The following ARPC3 variants were observed in gnomAD, a reference collection of about 807,000 sequenced individuals.
ARPC3 encodes actin-related protein 2/3 complex subunit 3.
A neutral mutation model predicts 27.6 loss-of-function variants in ARPC3; 12 were observed. The observed-to-expected ratio is 0.43, with a 90% CI of 0.28 to 0.70. ARPC3 has a LOEUF of 0.70. Among genes scored for constraint, ARPC3 ranks in the 30% least tolerant of loss-of-function variants. The pLI is 0.17. For synonymous variants in ARPC3, 53 were observed against 67.2 expected, an observed-to-expected ratio of 0.79 and a Z score of 1.03; for missense variants, 153 against 207.7, an observed-to-expected ratio of 0.74 and a Z score of 1.62.
intron 2 of ARPC3, among the ~76,000 whole-genome samples, chr12:110,441,677 T>G (rs2062438453): frequency 6.6e-6 from 1 of 151,854 alleles, no homozygotes; most frequent in Non-Finnish European, 1.5e-5. Context: ...ACTACAGGCA[T>G]GCACCATGAG....
chr12:110,438,715 C>T (rs1265577972), intron 3 of ARPC3, among the ~76,000 whole-genome samples: 5 of 150,008 alleles, frequency 3.3e-5, no homozygotes, highest in African/African-American at 1.2e-4. Flanking sequence ...GTGATATTGG[C>T]TCACCGCAAC....
At chr12:110,436,907 CA>C in intron 4 of ARPC3, 176 bp downstream of exon 4, 1 of 677,494 alleles carries the variant, frequency 1.5e-6, no homozygotes, top group Non-Finnish European at 2.6e-6. Context: ...TTGTGTCAGT[CA>C]ATTATACTAC....
chr12:110,447,531 T>C (rs73206896), intron 1 of ARPC3, among the ~76,000 whole-genome samples: 21,391 of 152,026 alleles, frequency 0.14, 2,231 homozygotes, highest in African/African-American at 0.29. Context: ...TCCAAACACT[T>C]TGGGAGGCTG....
chr12:110,444,211 T>A (rs532099102), intron 2 of ARPC3, among the ~76,000 whole-genome samples: 1 of 152,208 alleles, frequency 6.6e-6, no homozygotes, highest in South Asian at 2.1e-4. Context: ...ACTCAGGTGA[T>A]CCACCCACCT....
At chr12:110,442,920 G>T (rs2062446296) in intron 2 of ARPC3, 1 of 152,082 alleles carries the variant, frequency 6.6e-6, no homozygotes, top group African/African-American at 2.4e-5. Flanking sequence ...CCAGGGTCTT[G>T]ATATCTGGCA....
rs781068880 is a variant in ARPC3 at position 110,436,641 on chromosome 12, C to T, written c.295G>A (p.Gly99Arg). ...SQGEKEMYTL[G>R]ITNFPIPGEP... ...CCAGGAATGGGAAAATTAGTGATTC[C>T]CAGCGTATACATTTCTTTCTCACCT... The change falls in exon 5 of 7, where the codon GGA becomes AGA. Residue 99 changes from glycine (G) to arginine (R), a missense_variant. Gly to Arg is a moderately radical substitution (Grantham distance 125). Transcript: ENST00000228825. 1 of 1,607,800 alleles carries T rather than the reference C, an allele frequency of 6.2e-7. No homozygotes were observed. Among genetic ancestry groups the T allele is most frequent in the South Asian group, 1.1e-5 (1 of 90,924 alleles).
At position 110,434,851 on chromosome 12, in the gene ARPC3, A is replaced by C; in HGVS notation, c.*304T>G. On this transcript the variant is annotated 3_prime_UTR_variant, in exon 7 of 7. Transcript: ENST00000228825. The stretch of plus-strand genomic sequence containing the variant: ...ATTATGGAATGTGAATTTTATCTCA[A>C]AACAAATTGTAAGTGAATGTCAAAG... 1 of 536,672 alleles carries C rather than the reference A, an allele frequency of 1.9e-6. No individual in the cohort carries two copies. The highest frequency in any genetic ancestry group is 3.4e-6 in the Non-Finnish European group (1 of 291,468). The allele number at this position is 536,672 out of a possible 1,614,324, so 33.2% of individuals were successfully genotyped here. A position where few individuals can be genotyped will look rare whatever the true frequency, so the allele number is the denominator to read the frequency against.
At chr12:110,449,611 CT>C (rs964846113) in intron 1 of ARPC3, among the ~76,000 whole-genome samples, 1 of 152,106 alleles carries the variant, frequency 6.6e-6, no homozygotes, top group African/African-American at 2.4e-5. Flanking sequence ...ACTGAACCAC[CT>C]TTTCCCGAAT....
At chr12:110,438,081 A>G (rs912195521) in intron 3 of ARPC3, among the ~76,000 whole-genome samples, 1 of 151,538 alleles carries the variant, frequency 6.6e-6, no homozygotes, top group Admixed American at 6.6e-5. Context: ...GGATTGCTTG[A>G]GCCCAGGAGT....
intron 1 of ARPC3, among the ~76,000 whole-genome samples, chr12:110,447,038 T>A (rs2062468491): frequency 6.6e-6 from 1 of 152,232 alleles, no homozygotes; most frequent in Non-Finnish European, 1.5e-5. Flanking sequence ...CATTGGTATC[T>A]GGCCAAAGTA....
chr12:110,446,332 T>C (rs2062464546), intron 1 of ARPC3, among the ~76,000 whole-genome samples: 1 of 148,872 alleles, frequency 6.7e-6, no homozygotes, highest in East Asian at 2.0e-4. Flanking sequence ...AGTTTGGCTC[T>C]TGTTGCCCAG....
intron 2 of ARPC3, among the ~76,000 whole-genome samples, chr12:110,443,393 T>A (rs1407393781): frequency 6.6e-6 from 1 of 152,098 alleles, no homozygotes; most frequent in African/African-American, 2.4e-5. Context: ...GCTAAAGTAC[T>A]GGGATTACAG....
At chr12:110,442,206 C>T (rs1413021230) in intron 2 of ARPC3, among the ~76,000 whole-genome samples, 2 of 151,986 alleles carry the variant, frequency 1.3e-5, no homozygotes, top group Admixed American at 1.3e-4. Flanking sequence ...TTCCCATTTC[C>T]CCAAAAATAA....
intron 2 of ARPC3, among the ~76,000 whole-genome samples, chr12:110,444,576 C>T (rs2062454521): frequency 6.6e-6 from 1 of 152,178 alleles, no homozygotes; most frequent in African/African-American, 2.4e-5. Flanking sequence ...TGAGCCACCG[C>T]ACCCAGCCTT....
intron 1 of ARPC3, among the ~76,000 whole-genome samples, chr12:110,446,373 C>T (rs1378394684): frequency 1.3e-5 from 2 of 150,628 alleles, no homozygotes; most frequent in Non-Finnish European, 3.0e-5. Context: ...CCTTGGCCCA[C>T]TGCAACCTCC....
Position 110,436,703 on chromosome 12 carries a change from TATATATATACAC to T in ARPC3, c.253-32_253-21del, listed in dbSNP as rs1207470302. On this transcript the variant is annotated intron_variant, in intron 4 of 6. Transcript: ENST00000228825. ...ATTGCACTGGAAAAAAAAATATATA[TATATATATACAC>T]ACACACACACACACACACACACACA... The T allele has an allele frequency of 5.9e-6, 5 of 850,568 alleles. No homozygotes were observed. In the African/African-American group the frequency reaches 1.2e-4, roughly 20 times the overall value. The allele number at this position is 850,568 out of a possible 1,614,324, so 52.7% of individuals were successfully genotyped here.
intron 4 of ARPC3, 30 bp from the exon 5 acceptor site, chr12:110,436,713 C>CACACAG: frequency 1.5e-5 from 2 of 129,896 alleles, no homozygotes; most frequent in Non-Finnish European, 1.5e-5. Flanking sequence ...TATATATATA[C>CACACAG]ACACACACAC....
chr12:110,436,537 G>T lies in ARPC3; in HGVS notation c.379+20C>A, dbSNP rs1407914611. The T allele has an allele frequency of 6.2e-7, 1 of 1,613,794 alleles. No homozygotes were observed. The highest frequency in any genetic ancestry group is 1.1e-5 in the South Asian group (1 of 91,068). On this transcript the variant is annotated intron_variant, in intron 5 of 6. Transcript: ENST00000228825. The stretch of plus-strand genomic sequence containing the variant: ...AAAATCTTCTTGTGTCACAGAGTGA[G>T]GATAGAGACCTGTTCTTACCATCTT...
intron 2 of ARPC3, among the ~76,000 whole-genome samples, chr12:110,440,781 C>T (rs907511396): frequency 4.6e-5 from 7 of 150,574 alleles, no homozygotes; most frequent in Non-Finnish European, 1.0e-4. Context: ...CTCCTGACCG[C>T]GTGATCCGCC....
Sources: allele counts gnomAD v4.1 joint callset (sites outside exome capture counted in the v4.1 genomes callset), GRCh38; gene constraint gnomAD v4.1.1; transcripts MANE v1.5; gene names NCBI Gene and HGNC (gene_info 2026-07-23, HGNC 2026-07-21).